Variants in SVEP1 observed in about 807,000 individuals in gnomAD.
SVEP1 encodes the protein sushi, von Willebrand factor type A, EGF and pentraxin domain containing 1.
SVEP1 carries 164 observed loss-of-function variants against 367.3 expected under a neutral mutation model. The ratio of observed to expected loss-of-function variants is 0.45; its 90% CI spans 0.39 to 0.51. The LOEUF is 0.51. Among genes scored for constraint, SVEP1 ranks in the 20% least tolerant of loss-of-function variants. The pLI is 0.00. For missense variants in SVEP1, 4,117 were observed against 4,425.3 expected (o/e 0.93, Z 1.98); for synonymous variants, 1,666 against 1,611.6 (o/e 1.03, Z -0.81).
intron 1 of SVEP1, among the ~76,000 whole-genome samples, chr9:110,576,856 A>G (rs1486728436): frequency 6.6e-6 from 1 of 152,128 alleles, no homozygotes; most frequent in Non-Finnish European, 1.5e-5. Context: ...AATTATATGA[A>G]CCAAATAGTG....
chr9:110,577,086 C>A (rs1463155980), intron 1 of SVEP1, among the ~76,000 whole-genome samples: 2 of 152,010 alleles, frequency 1.3e-5, no homozygotes, highest in East Asian at 1.9e-4. Context: ...CAAGTTAATT[C>A]AATATTTTCT....
chr9:110,384,752 T>C (rs914884161), intron 43 of SVEP1, among the ~76,000 whole-genome samples: 5 of 152,212 alleles, frequency 3.3e-5, no homozygotes, highest in African/African-American at 1.2e-4. Context: ...CAGGTCTTTC[T>C]GATTCCAGAA....
rs1227587759 is a variant in SVEP1 at position 110,468,993 on chromosome 9, G to C, written c.3107C>G (p.Pro1036Arg). Residue 1036 changes from proline to arginine, a missense_variant, in exon 17 of 48, where the codon CCC becomes CGC. Pro to Arg is a moderately radical substitution (Grantham distance 103). Coordinates refer to ENST00000374469, the MANE Select transcript of SVEP1 (RefSeq NM_153366.4). ...EEGQLECKLCPSGMYTEYIHS... is the reference protein window; with the variant it reads ...EEGQLECKLCRSGMYTEYIHS... Reference sequence around the variant, plus strand: ...GATATATTCCGTGTACATCCCAGAGGGGCAAAGCTTGCACTCAAGTTGCCC... The same window carrying C: ...GATATATTCCGTGTACATCCCAGAGCGGCAAAGCTTGCACTCAAGTTGCCC... The C allele has an allele frequency of 8.1e-6, 13 of 1,613,742 alleles. No homozygotes were observed. The East Asian group carries it at 2.9e-4, about 36-fold the overall frequency.
chr9:110,401,490 A>C (rs1827860242), intron 39 of SVEP1, among the ~76,000 whole-genome samples: 2 of 150,964 alleles, frequency 1.3e-5, no homozygotes, highest in South Asian at 4.2e-4. Context: ...ACCTAAAAAC[A>C]TTTTATCACA....
chr9:110,430,028 G>A (rs764360613), intron 33 of SVEP1, 24 bp from the exon 34 acceptor site: 186 of 1,606,328 alleles, frequency 1.2e-4, no homozygotes, highest in Non-Finnish European at 1.5e-4. Context: ...AAACAAACAC[G>A]TGACTTTTTT....
chr9:110,466,549 G>A (rs1315857235), intron 17 of SVEP1, among the ~76,000 whole-genome samples: 1 of 151,870 alleles, frequency 6.6e-6, no homozygotes, highest in South Asian at 2.1e-4. Context: ...ACGAGGTCAG[G>A]AGATCGAGAC....
At chr9:110,476,743 C>T (rs576520776) in intron 13 of SVEP1, among the ~76,000 whole-genome samples, 14 of 152,218 alleles carry the variant, frequency 9.2e-5, no homozygotes, top group African/African-American at 2.9e-4. Flanking sequence ...TTCACCTTTG[C>T]CCTAAAACCT....
At chr9:110,450,969 T>C (rs1828684266) in intron 23 of SVEP1, among the ~76,000 whole-genome samples, 1 of 152,164 alleles carries the variant, frequency 6.6e-6, no homozygotes, top group Non-Finnish European at 1.5e-5. Flanking sequence ...TTTTAAACCA[T>C]ATTATTGTAC....
intron 5 of SVEP1, among the ~76,000 whole-genome samples, chr9:110,505,663 C>A (rs978221755): frequency 6.6e-6 from 1 of 152,078 alleles, no homozygotes; most frequent in African/African-American, 2.4e-5. Context: ...TATCCAATAA[C>A]CTTTTTTAAA....
At chr9:110,430,886 T>C (rs1226422669) in intron 32 of SVEP1, among the ~76,000 whole-genome samples, 3 of 152,132 alleles carry the variant, frequency 2.0e-5, no homozygotes, top group Non-Finnish European at 4.4e-5. Context: ...AAATAGAGTA[T>C]GGGCTCTGGG....
chr9:110,435,724 G>A (rs1356779153), intron 28 of SVEP1, among the ~76,000 whole-genome samples: 1 of 152,228 alleles, frequency 6.6e-6, no homozygotes, highest in African/African-American at 2.4e-5. Context: ...GAGGCTTAGA[G>A]ATTCTTAGAG....
In SVEP1 at chr9:110,385,894, T is replaced by G; in HGVS notation, c.10237+4A>C. On this transcript the variant is annotated splice_donor_region_variant and intron_variant, in intron 43 of 47. Coordinates refer to ENST00000374469, the MANE Select transcript of SVEP1 (RefSeq NM_153366.4). ...CATGAACTGGCTTCCGCCTGCTGAC[T>G]TACTTTCACATTTGGCGCTTGTCTG... 1.2e-6 allele frequency: 2 copies of G among 1,611,424 alleles called. No homozygotes were observed.
At chr9:110,476,669 C>A (rs148973489) in intron 13 of SVEP1, among the ~76,000 whole-genome samples, 11 of 152,258 alleles carry the variant, frequency 7.2e-5, no homozygotes, top group African/African-American at 2.6e-4. Flanking sequence ...TTCCTCTATG[C>A]CCTCTGAAGC....
chr9:110,372,179 G>A (rs1410175877), intron 46 of SVEP1, among the ~76,000 whole-genome samples: 1 of 152,094 alleles, frequency 6.6e-6, no homozygotes, highest in Non-Finnish European at 1.5e-5. Flanking sequence ...GACTCCTTTT[G>A]TTTCTCCTCA....
chr9:110,484,598 C>G (rs927968805), intron 9 of SVEP1, among the ~76,000 whole-genome samples: 22 of 152,100 alleles, frequency 1.4e-4, no homozygotes, highest in African/African-American at 5.1e-4. Flanking sequence ...CAAATGGGAT[C>G]TAATTAAACT....
chr9:110,496,672 T>C (rs1564159328), intron 8 of SVEP1, 143 bp downstream of exon 8: 2 of 523,784 alleles, frequency 3.8e-6, no homozygotes, highest in Non-Finnish European at 6.8e-6. Context: ...CTTTCATATA[T>C]ACATCTATCC....
At chr9:110,370,062 TC>T in intron 46 of SVEP1, 46 bp from the exon 47 acceptor site, 1 of 1,543,772 alleles carries the variant, frequency 6.5e-7, no homozygotes, top group Non-Finnish European at 8.9e-7. Flanking sequence ...ACTTAGCAAT[TC>T]TGATGATATC....
chr9:110,517,596 T>TTA (rs1564165440), intron 3 of SVEP1, among the ~76,000 whole-genome samples: 1,935 of 43,972 alleles, frequency 0.044, 51 homozygotes, highest in African/African-American at 0.15. Flanking sequence ...AGACGCTATC[T>TTA]CAAAAAAAAA....
chr9:110,500,726 T>A (rs1284176664), intron 6 of SVEP1, among the ~76,000 whole-genome samples: 1 of 152,060 alleles, frequency 6.6e-6, no homozygotes, highest in Non-Finnish European at 1.5e-5. Flanking sequence ...AAATTTTTTT[T>A]CCCTCAACTG....
Sources: gnomAD v4.1 joint callset for allele counts (sites outside exome capture counted in the v4.1 genomes callset) on GRCh38, gnomAD v4.1.1 for gene constraint, MANE v1.5 for transcripts, NCBI Gene and HGNC (gene_info 2026-07-23, HGNC 2026-07-21) for gene names.